Variants in TXLNB observed in about 807,000 individuals in gnomAD.
TXLNB encodes the protein taxilin beta, also known as beta-taxilin.
A neutral mutation model predicts 57.4 loss-of-function variants in TXLNB; 37 were observed. The observed-to-expected ratio is 0.64, with a 90% CI of 0.50 to 0.85. The LOEUF is 0.85. Ranked by LOEUF, TXLNB falls within the 40% of genes least tolerant of loss-of-function variation. The pLI is 0.00. For missense variants in TXLNB, 848 were observed against 825.6 expected, an observed-to-expected ratio of 1.03 and a Z score of -0.33; for synonymous variants, 302 against 309.6, an observed-to-expected ratio of 0.98 and a Z score of 0.26.
chr6:139,163,593 A>T, the TXLNB span, among the ~76,000 whole-genome samples: 1 of 152,132 alleles, frequency 6.6e-6, no homozygotes, highest in South Asian at 2.1e-4. Context: ...ACCTCAGGTG[A>T]TCCACCCGCC....
the TXLNB span, among the ~76,000 whole-genome samples, chr6:139,208,384 C>T: frequency 0.036 from 5,439 of 152,160 alleles, 125 homozygotes; most frequent in Non-Finnish European, 0.053. Flanking sequence ...GAATTCGTGA[C>T]AATCCTGAAA....
chr6:139,245,968 C>A (rs1776057585), intron 8 of TXLNB, among the ~76,000 whole-genome samples: 1 of 152,206 alleles, frequency 6.6e-6, no homozygotes, highest in African/African-American at 2.4e-5. Context: ...GCTGGGATTG[C>A]AGGCATGAGC....
chr6:139,166,724 G>A, the TXLNB span: 1 of 1,610,944 alleles, frequency 6.2e-7, no homozygotes, highest in Non-Finnish European at 8.5e-7. Context: ...CCCAAGCCAC[G>A]ACCTCCCCCG....
the TXLNB span, among the ~76,000 whole-genome samples, chr6:139,188,287 G>C: frequency 6.6e-6 from 1 of 152,176 alleles, no homozygotes; most frequent in Non-Finnish European, 1.5e-5. Flanking sequence ...GATGAGAAGA[G>C]GGTTGAGAAA....
chr6:139,276,744 G>T, intron 3 of TXLNB, 86 bp downstream of exon 3: 1 of 970,910 alleles, frequency 1.0e-6, no homozygotes, highest in Non-Finnish European at 1.6e-6. Context: ...TTCATTCTCG[G>T]ATTGGCAGGT....
chr6:139,272,809 G>A (rs767930909), intron 3 of TXLNB, among the ~76,000 whole-genome samples: 30 of 152,260 alleles, frequency 2.0e-4, no homozygotes, highest in East Asian at 5.8e-4. Context: ...TGAGGCAGGC[G>A]GATCACCTGA....
At chr6:139,305,629 C>T in the TXLNB span, among the ~76,000 whole-genome samples, 2 of 152,110 alleles carry the variant, frequency 1.3e-5, no homozygotes. Context: ...ATCCCAAACA[C>T]ATTGAATGGA....
chr6:139,255,713 C>A (rs545926135), intron 6 of TXLNB, 75 bp from the exon 7 acceptor site: 47 of 1,145,526 alleles, frequency 4.1e-5, no homozygotes, highest in Non-Finnish European at 5.8e-5. Context: ...AATTTGTCTA[C>A]AAAACTTAGC....
chr6:139,286,607 G>C (rs1015956219), intron 2 of TXLNB, among the ~76,000 whole-genome samples: 1 of 152,206 alleles, frequency 6.6e-6, no homozygotes, highest in Non-Finnish European at 1.5e-5. Context: ...TTAGGAACTG[G>C]GCTGCACGGC....
intron 8 of TXLNB, among the ~76,000 whole-genome samples, chr6:139,246,883 C>T (rs1023158358): frequency 6.7e-6 from 1 of 149,490 alleles, no homozygotes; most frequent in Non-Finnish European, 1.5e-5. Flanking sequence ...CATTGCACTC[C>T]AGCCTGGGCA....
chr6:139,231,844 G>C, the TXLNB span, among the ~76,000 whole-genome samples: 102 of 152,316 alleles, frequency 6.7e-4, 2 homozygotes, highest in East Asian at 0.017. Flanking sequence ...TCAATAGGCT[G>C]ATTCCTGGAT....
chr6:139,232,469 G>C, the TXLNB span, among the ~76,000 whole-genome samples: 41 of 152,300 alleles, frequency 2.7e-4, no homozygotes, highest in African/African-American at 8.9e-4. Context: ...CATGACTTCA[G>C]ATATGATTAA....
In TXLNB at chr6:139,288,643, C is replaced by T. The variant is rs541237160; in HGVS notation, c.257G>A (p.Ser86Asn). ...TAGKEGSARA[S>N]EQPENAESPD... ...TGATTCTGCATTCTCAGGCTGCTCA[C>T]TGGCCCTGGCAGAGCCCTCTTTCCC... is the stretch of plus-strand genomic sequence containing the variant. Residue 86 changes from serine (S) to asparagine (N), a missense_variant, in exon 2 of 10, where the codon AGT (serine) becomes AAT (asparagine). Ser to Asn is a conservative substitution (Grantham distance 46). Coordinates refer to ENST00000358430, the MANE Select transcript of TXLNB (RefSeq NM_153235.4). The T allele has an allele frequency of 1.9e-6, 3 of 1,614,230 alleles. No individual in the cohort carries two copies. The Admixed American group carries it at 5.0e-5, about 27-fold the overall frequency.
intron 7 of TXLNB, among the ~76,000 whole-genome samples, chr6:139,254,454 G>A (rs1031981592): frequency 1.3e-5 from 2 of 152,102 alleles, no homozygotes; most frequent in African/African-American, 4.8e-5. Context: ...TTCTCCCTGT[G>A]ACCTCACAGT....
intron 4 of TXLNB, among the ~76,000 whole-genome samples, chr6:139,265,517 G>A (rs17744644): frequency 0.11 from 16,322 of 152,164 alleles, 1,166 homozygotes; most frequent in Non-Finnish European, 0.16. Context: ...GCTAAAATTT[G>A]TGATGGCGGA....
At chr6:139,185,841 TCTTA>T in the TXLNB span, among the ~76,000 whole-genome samples, 3 of 152,238 alleles carry the variant, frequency 2.0e-5, no homozygotes, top group African/African-American at 7.2e-5. Flanking sequence ...GTTTTGCCTA[TCTTA>T]CTTATCCTTA....
At chr6:139,160,822 A>C in the TXLNB span, among the ~76,000 whole-genome samples, 1 of 152,248 alleles carries the variant, frequency 6.6e-6, no homozygotes, top group Non-Finnish European at 1.5e-5. Context: ...CAGCGGTATA[A>C]AATTATGGTA....
At position 139,240,303 on chromosome 6, in the gene TXLNB, C is replaced by T. The variant is rs1341784013; in HGVS notation, c.*2223G>A. ...TCTTTGAATATTAAAATAATTCCCC[C>T]AAAACCTATATTAAGCTTTACAAAT... On this transcript the variant is annotated 3_prime_UTR_variant, in exon 10 of 10. Transcript: ENST00000358430. The T allele has an allele frequency of 1.6e-4, 25 of 152,596 alleles. 1 individual carries two copies. The highest frequency in any genetic ancestry group is 6.5e-5 in the Admixed American group (1 of 15,274). The allele number at this position is 152,596 out of a possible 1,614,324, so 9.5% of individuals were successfully genotyped here. A position where few individuals can be genotyped will look rare whatever the true frequency, so the allele number is the denominator to read the frequency against.
At chr6:139,266,776 A>G (rs1776624544) in intron 4 of TXLNB, among the ~76,000 whole-genome samples, 1 of 152,076 alleles carries the variant, frequency 6.6e-6, no homozygotes, top group Non-Finnish European at 1.5e-5. Context: ...AGTAGGGTAC[A>G]TGTGAAAAAA....
Sources: allele counts gnomAD v4.1 joint callset (sites outside exome capture counted in the v4.1 genomes callset), GRCh38; gene constraint gnomAD v4.1.1; transcripts MANE v1.5; gene names NCBI Gene and HGNC (gene_info 2026-07-23, HGNC 2026-07-21).